The following SHCBP1 variants were observed in gnomAD, a reference collection of about 807,000 sequenced individuals.
SHCBP1 encodes SHC SH2 domain-binding protein 1.
Under a neutral mutation model 75.1 loss-of-function variants are expected in SHCBP1, and 60 were observed. The ratio of observed to expected loss-of-function variants is 0.80; its 90% CI spans 0.65 to 0.99. SHCBP1 has a LOEUF of 0.99. SHCBP1 is among the 50% of genes least tolerant of loss of function. The pLI is 0.00. For missense variants in SHCBP1, 709 were observed against 809.4 expected (o/e 0.88, Z 1.50); for synonymous variants, 290 against 293.2 (o/e 0.99, Z 0.11).
Position 46,584,000 on chromosome 16 carries a change from C to T in SHCBP1, c.1551+3G>A, listed in dbSNP as rs778937077. On this transcript the variant is annotated splice_donor_region_variant and intron_variant, in intron 11 of 12. Transcript: ENST00000303383. ...AAAAGTGGGTGTTTTGGCTGATGCT[C>T]ACCTTAATGAGGATCCCTTCCTTGC... 2.2e-5 allele frequency: 35 copies of T among 1,602,574 alleles called. No homozygotes were observed. The highest frequency in any genetic ancestry group is 2.8e-5 in the Non-Finnish European group (33 of 1,173,572).
At chr16:46,586,414 A>G (rs1457573907) in intron 10 of SHCBP1, among the ~76,000 whole-genome samples, 1 of 152,196 alleles carries the variant, frequency 6.6e-6, no homozygotes, top group East Asian at 1.9e-4. Context: ...AATTTACCCA[A>G]TAGCAGAGAA....
chr16:46,602,838 C>A (rs1320199999), intron 8 of SHCBP1, among the ~76,000 whole-genome samples: 2 of 152,174 alleles, frequency 1.3e-5, no homozygotes, highest in Admixed American at 1.3e-4. Context: ...ACCATGTTAG[C>A]CAGACTGGTC....
intron 10 of SHCBP1, among the ~76,000 whole-genome samples, chr16:46,590,083 T>G (rs1965019380): frequency 6.6e-6 from 1 of 152,174 alleles, no homozygotes; most frequent in Admixed American, 6.5e-5. Context: ...GATTCCCTAT[T>G]TAATAAATGG....
Position 46,597,896 on chromosome 16 carries a change from AC to A in SHCBP1, c.1345+1934del, listed in dbSNP as rs1213418111. On this transcript the variant is annotated intron_variant, in intron 9 of 12. Coordinates refer to ENST00000303383, the MANE Select transcript of SHCBP1 (RefSeq NM_024745.5). ...CATTTGTTGTCATTCAACCATGTTC[AC>A]AGCATCCTCCCCAGGAAATTCTATC... Among the ~76,000 whole-genome samples the A allele has an allele frequency of 2.0e-5, 3 of 152,344 alleles. No homozygotes were observed. The East Asian group carries it at 5.8e-4, about 29-fold the overall frequency.
At chr16:46,586,843 C>T (rs1198394554) in intron 10 of SHCBP1, among the ~76,000 whole-genome samples, 1 of 151,928 alleles carries the variant, frequency 6.6e-6, no homozygotes, top group Non-Finnish European at 1.5e-5. Flanking sequence ...AATCCTATAA[C>T]CAGTGAAAAT....
At chr16:46,586,340 G>A (rs1357775502) in intron 10 of SHCBP1, among the ~76,000 whole-genome samples, 2 of 152,294 alleles carry the variant, frequency 1.3e-5, no homozygotes, top group African/African-American at 2.4e-5. Flanking sequence ...CTCAATGGAT[G>A]TGCTCAACAG....
intron 10 of SHCBP1, among the ~76,000 whole-genome samples, chr16:46,590,758 G>C (rs1288757065): frequency 6.6e-6 from 1 of 152,194 alleles, no homozygotes; most frequent in Non-Finnish European, 1.5e-5. Flanking sequence ...AGACAGTGTG[G>C]CAATTCCTCA....
Position 46,604,155 on chromosome 16 carries a change from G to GA in SHCBP1, c.924-13dup, listed in dbSNP as rs774109226. On this transcript the variant is annotated splice_polypyrimidine_tract_variant and intron_variant, in intron 6 of 12. Coordinates refer to ENST00000303383, the MANE Select transcript of SHCBP1 (RefSeq NM_024745.5). ...AACCAAACACATACCTTAAAGAAAC[G>GA]AAACAGGCCTATCAGTAAGACAGCA... 18 of 1,613,500 alleles carry GA rather than the reference G, an allele frequency of 1.1e-5. No individual in the cohort carries two copies. Among genetic ancestry groups the GA allele is most frequent in the Non-Finnish European group, 1.4e-5 (16 of 1,179,792 alleles).
chr16:46,620,971 G>T, intron 1 of SHCBP1: 1 of 382,854 alleles, frequency 2.6e-6, no homozygotes, highest in South Asian at 8.3e-5. Flanking sequence ...AACCCATCCA[G>T]ATAGGGAATT....
chr16:46,603,914 GA>G (rs1181987573), intron 7 of SHCBP1, 60 bp downstream of exon 7: 1 of 1,543,890 alleles, frequency 6.5e-7, no homozygotes. Context: ...TGGGATTTGT[GA>G]AAACCTGTGG....
chr16:46,606,076 T>C (rs1024336349), intron 5 of SHCBP1, among the ~76,000 whole-genome samples: 1 of 152,154 alleles, frequency 6.6e-6, no homozygotes, highest in Non-Finnish European at 1.5e-5. Flanking sequence ...AATTTTAAAA[T>C]AAGTCTCTTA....
chr16:46,615,700 A>G (rs931104233), intron 4 of SHCBP1, among the ~76,000 whole-genome samples: 30 of 152,158 alleles, frequency 2.0e-4, no homozygotes, highest in African/African-American at 7.0e-4. Flanking sequence ...AGATCATGCC[A>G]CTGCACTCCA....
At chr16:46,589,504 A>C (rs1965005908) in intron 10 of SHCBP1, among the ~76,000 whole-genome samples, 1 of 152,240 alleles carries the variant, frequency 6.6e-6, no homozygotes, top group Non-Finnish European at 1.5e-5. Flanking sequence ...ATGTGCAAAA[A>C]TCACAAGCAT....
At chr16:46,597,812 T>C (rs2142999642) in intron 9 of SHCBP1, among the ~76,000 whole-genome samples, 1 of 152,372 alleles carries the variant, frequency 6.6e-6, no homozygotes, top group African/African-American at 2.4e-5. Flanking sequence ...TTTTCAAAAT[T>C]GGAGTCAATC....
chr16:46,617,261 AAC>A (rs1304268312), intron 3 of SHCBP1, among the ~76,000 whole-genome samples: 1 of 152,202 alleles, frequency 6.6e-6, no homozygotes, highest in East Asian at 1.9e-4. Context: ...CAGCCTGAGC[AAC>A]ACAGTGAGAC....
intron 8 of SHCBP1, 63 bp downstream of exon 8, chr16:46,603,476 T>TGAAACAACAA: frequency 6.3e-7 from 1 of 1,599,210 alleles, no homozygotes. Flanking sequence ...ACAAGATTGG[T>TGAAACAACAA]GATTTATTGT....
intron 9 of SHCBP1, among the ~76,000 whole-genome samples, chr16:46,599,502 A>C (rs1965194483): frequency 1.3e-5 from 2 of 152,020 alleles, no homozygotes; most frequent in African/African-American, 4.8e-5. Context: ...ATGGCACCCC[A>C]AAACAATTAC....
Position 46,592,951 on chromosome 16 carries a change from C to CAAAAAAAAAAAAAAAA in SHCBP1, c.1464+2585_1464+2600dup. 1.2e-3 allele frequency among the ~76,000 whole-genome samples: 28 copies of CAAAAAAAAAAAAAAAA among 22,790 alleles called. 7 individuals are homozygous for CAAAAAAAAAAAAAAAA. In the East Asian group the frequency reaches 0.015, roughly 13 times the overall value. 15.0% of individuals were successfully genotyped at this position (22,790 alleles called of 152,430 possible). A position where few individuals can be genotyped will look rare whatever the true frequency, so the allele number is the denominator to read the frequency against. On this transcript the variant is annotated intron_variant, in intron 10 of 12. Transcript: ENST00000303383. ...AACATCCACTTATGATAAAAATTCTCAAAAAAAAAAAAAAAAAAAAAAAAA... is the reference window on the plus strand; with the variant it reads ...AACATCCACTTATGATAAAAATTCTCAAAAAAAAAAAAAAAAAAAAAAAAAAAAAAAAAAAAAAAAA...
chr16:46,604,028 G>A lies in SHCBP1; in HGVS notation c.1039C>T (p.Leu347=). 1 of 1,614,100 alleles carries A rather than the reference G, an allele frequency of 6.2e-7. No homozygotes were observed. The change falls in exon 7 of 13, where the codon CTG becomes TTG. Residue 347 remains leucine, a synonymous_variant. Coordinates refer to ENST00000303383, the MANE Select transcript of SHCBP1 (RefSeq NM_024745.5). The part of the protein sequence containing the change: ...STMMAGLLRS[L]LTDRLCQEPG... ...TCCTGGCAAAGCCTGTCCGTAAGCA[G>A]GGACCGCAGGAGACCAGCCATCATG...
Sources: allele counts gnomAD v4.1 joint callset (sites outside exome capture counted in the v4.1 genomes callset), GRCh38; gene constraint gnomAD v4.1.1; transcripts MANE v1.5; gene names NCBI Gene and HGNC (gene_info 2026-07-23, HGNC 2026-07-21).